The following ZNF529 variants were observed in gnomAD, a reference collection of about 807,000 sequenced individuals.
ZNF529 encodes zinc finger protein 529.
A neutral mutation model predicts 10.1 loss-of-function variants in ZNF529; 11 were observed. That is an observed-to-expected ratio of 1.09 (90% CI 0.69 to 1.81). The LOEUF (loss-of-function observed/expected upper bound fraction) is 1.81. Among genes scored for constraint, ZNF529 ranks in the 40% most tolerant of loss-of-function variants. The probability of loss-of-function intolerance (pLI) is 0.00; values close to 1 mark genes in which losing one functional copy is unlikely to be tolerated. For synonymous variants in ZNF529, 204 were observed against 215.7 expected (o/e 0.95, Z 0.47); for missense variants, 624 against 666.8 (o/e 0.94, Z 0.71).
At chr19:36,567,669 C>G (rs1429164922) in intron 2 of ZNF529, among the ~76,000 whole-genome samples, 2 of 152,064 alleles carry the variant, frequency 1.3e-5, no homozygotes, top group Admixed American at 1.3e-4. Flanking sequence ...TTTCAAACTC[C>G]TGACCTCAAG....
At chr19:36,582,431 C>T (rs143727368) in intron 2 of ZNF529, 3,274 of 152,008 alleles carry the variant, frequency 0.022, 46 homozygotes, top group Middle Eastern at 0.054. Flanking sequence ...ATCGGCTGGG[C>T]GCGGTGGCTC....
Position 36,548,215 on chromosome 19 carries a change from C to G in ZNF529, c.343G>C (p.Glu115Gln), listed in dbSNP as rs746827271. The change falls in exon 5 of 5, where the codon GAA becomes CAA. Residue 115 changes from glutamate to glutamine, a missense_variant. By Grantham distance (29) the Glu-to-Gln change is conservative (BLOSUM62 2). Coordinates refer to ENST00000591340, the MANE Select transcript of ZNF529 (RefSeq NM_020951.5). The stretch of plus-strand genomic sequence containing the variant: ...CAGTCATTTCTGAAAATGGAACCTT[C>G]AAGGCCACATAACTTGCTACTTTCC... ...VMESSKLCGL[E>Q]GSIFRNDWQS... The G allele has an allele frequency of 1.5e-5, 25 of 1,613,760 alleles. No individual in the cohort carries two copies. In the East Asian group the frequency reaches 5.4e-4, roughly 35 times the overall value.
intron 1 of ZNF529, among the ~76,000 whole-genome samples, chr19:36,594,947 C>T (rs543870085): frequency 6.6e-6 from 1 of 151,154 alleles, no homozygotes; most frequent in African/African-American, 2.4e-5. Flanking sequence ...GGCACAATAT[C>T]GGCTCACTGC....
chr19:36,574,785 C>G (rs1010214889), upstream of ZNF529: 5 of 470,018 alleles, frequency 1.1e-5, no homozygotes, highest in African/African-American at 1.0e-4. Flanking sequence ...TTTGTGTAGT[C>G]ATTTTTCTGT....
At chr19:36,552,452 C>G (rs1189995633) in intron 4 of ZNF529, among the ~76,000 whole-genome samples, 1 of 151,938 alleles carries the variant, frequency 6.6e-6, no homozygotes, top group African/African-American at 2.4e-5. Context: ...AAATCAACAA[C>G]AACAACAACA....
intron 2 of ZNF529, among the ~76,000 whole-genome samples, chr19:36,557,707 G>A (rs914325406): frequency 1.3e-5 from 2 of 152,216 alleles, no homozygotes; most frequent in African/African-American, 4.8e-5. Context: ...AACAAGCCCT[G>A]AGGCAGAGGG....
chr19:36,572,109 TCTC>T (rs1475304086), intron 2 of ZNF529, among the ~76,000 whole-genome samples: 2 of 150,010 alleles, frequency 1.3e-5, no homozygotes, highest in South Asian at 2.1e-4. Flanking sequence ...AGTTTTAACT[TCTC>T]CTCCAGGAGT....
In ZNF529 at chr19:36,555,454, C is replaced by T. The variant is rs1158420036; in HGVS notation, c.108+650G>A. On this transcript the variant is annotated intron_variant, in intron 3 of 4. Coordinates refer to ENST00000591340, the MANE Select transcript of ZNF529 (RefSeq NM_020951.5). ...GACTACAGGCGCCCGCCACCGCGCC[C>T]GGCTAATTTTTTGTATTTTTTTTAG... Among the ~76,000 whole-genome samples, 204 of 85,770 alleles carry T rather than the reference C, an allele frequency of 2.4e-3. 74 individuals are homozygous for T. The highest frequency in any genetic ancestry group is 3.5e-3 in the Non-Finnish European group (154 of 43,846). 56.3% of individuals were successfully genotyped at this position (85,770 alleles called of 152,430 possible).
Position 36,548,114 on chromosome 19 carries a change from A to T in ZNF529, c.444T>A (p.Asn148Lys). 1 of 1,613,852 alleles carries T rather than the reference A, an allele frequency of 6.2e-7. No individual in the cohort carries two copies. Residue 148 changes from asparagine to lysine, a missense_variant, in exon 5 of 5, where the codon AAT (asparagine) becomes AAA (lysine). Physicochemically the swap from Asn to Lys is moderately conservative, Grantham distance 94. Coordinates refer to ENST00000591340, the MANE Select transcript of ZNF529 (RefSeq NM_020951.5). ...YFSQMKIISE[N>K]VPSYKTHESL... ...ATTCATGAGTTTTGTAACTGGGCAC[A>T]TTTTCAGAGATGATTTTCATTTGAC...
rs150713283 is a variant in ZNF529 at position 36,583,536 on chromosome 19, G to A, written c.-41+6079C>T. ...AAACAAAGCATACCTCTGCCCCACC[G>A]AGATGAGCTCAAAAACAAACATTAC... is the stretch of plus-strand genomic sequence containing the variant. On this transcript the variant is annotated intron_variant, in intron 2 of 4. Coordinates refer to the ZNF529 transcript ENST00000585960. Among the ~76,000 whole-genome samples, 43 of 151,750 alleles carry A rather than the reference G, an allele frequency of 2.8e-4. 2 individuals carry two copies. The East Asian group carries it at 8.1e-3, about 29-fold the overall frequency.
chr19:36,558,067 A>G (rs2035548003), intron 2 of ZNF529, among the ~76,000 whole-genome samples: 2 of 152,124 alleles, frequency 1.3e-5, no homozygotes, highest in Admixed American at 6.6e-5. Flanking sequence ...GAAGGACTCA[A>G]TAGTAGACAT....
intron 2 of ZNF529, chr19:36,582,824 A>G (rs755180001): frequency 9.9e-5 from 15 of 152,150 alleles, no homozygotes; most frequent in Non-Finnish European, 2.1e-4. Context: ...AAATGGATAA[A>G]TCCCTAGTAA....
intron 4 of ZNF529, among the ~76,000 whole-genome samples, chr19:36,553,614 A>C (rs2035346537): frequency 6.6e-6 from 1 of 152,196 alleles, no homozygotes; most frequent in African/African-American, 2.4e-5. Flanking sequence ...AATGAATATG[A>C]ACTCTTTATC....
chr19:36,571,502 C>T lies in ZNF529; in HGVS notation c.14+831G>A, dbSNP rs535844648. Among the ~76,000 whole-genome samples the T allele has an allele frequency of 9.2e-5, 14 of 151,814 alleles. No homozygotes were observed. In the South Asian group the frequency reaches 2.9e-3, roughly 32 times the overall value. ...CCAGCCCAGCCAACATGATGAAACC[C>T]CTTCTCTACTAAAAATTCAAAAATT... is the stretch of plus-strand genomic sequence containing the variant. On this transcript the variant is annotated intron_variant, in intron 2 of 4. Coordinates refer to ENST00000591340, the MANE Select transcript of ZNF529 (RefSeq NM_020951.5).
chr19:36,600,091 ACTC>A (rs1220725482), intron 1 of ZNF529, among the ~76,000 whole-genome samples: 1 of 151,228 alleles, frequency 6.6e-6, no homozygotes, highest in Non-Finnish European at 1.5e-5. Context: ...CTAGTCTCGA[ACTC>A]CTAACCTCAG....
Position 36,548,299 on chromosome 19 carries a change from T to TATCTCATTGG in ZNF529, c.258_259insCCAATGAGAT (p.Lys87ProfsTer4). 6.3e-7 allele frequency: 1 copy of TATCTCATTGG among 1,586,752 alleles called. No homozygotes were observed. Among genetic ancestry groups the TATCTCATTGG allele is most frequent in the Non-Finnish European group, 8.6e-7 (1 of 1,164,830 alleles). ...ATATCTTTTCCTACAGATAAATGCT[T>TATCTCATTGG]AGTCTCATTCCTGGACTCCAAATCT... is the stretch of plus-strand genomic sequence containing the variant. On this transcript the variant is annotated frameshift_variant, in exon 5 of 5. Transcript: ENST00000591340. LOFTEE classifies it low-confidence loss of function (END_TRUNC).
Position 36,547,724 on chromosome 19 carries a change from A to G in ZNF529, c.834T>C (p.Gly278=), listed in dbSNP as rs750071833. 13 of 1,613,786 alleles carry G rather than the reference A, an allele frequency of 8.1e-6. No homozygotes were observed. The highest frequency in any genetic ancestry group is 1.7e-5 in the Admixed American group (1 of 59,998). ...AGAATGAGCATTCAAAGTGTTTCTC[A>G]CCATCATGAACTCTTTGAAGTGGAG... The part of the protein sequence containing the change: ...KVTPLQRVHD[G]EKHFECSFCG... The change falls in exon 5 of 5, where the codon GGT becomes GGC. Residue 278 remains glycine, a synonymous_variant. Coordinates refer to ENST00000591340, the MANE Select transcript of ZNF529 (RefSeq NM_020951.5).
At chr19:36,580,455 G>A (rs1473737921) in intron 2 of ZNF529, 1 of 152,128 alleles carries the variant, frequency 6.6e-6, no homozygotes, top group African/African-American at 2.4e-5. Flanking sequence ...ACAAACACCT[G>A]AGTGATATGT....
At chr19:36,576,447 G>T (rs1326871552), upstream of ZNF529, among the ~76,000 whole-genome samples, 6 of 151,936 alleles carry the variant, frequency 3.9e-5, no homozygotes, top group East Asian at 1.2e-3. Flanking sequence ...GGCCGGGCGC[G>T]GTGGCTCACG....
Sources: allele counts gnomAD v4.1 joint callset (sites outside exome capture counted in the v4.1 genomes callset), GRCh38; gene constraint gnomAD v4.1.1; transcripts MANE v1.5; gene names NCBI Gene and HGNC (gene_info 2026-07-23, HGNC 2026-07-21).